Variants in AK7 observed in about 807,000 individuals in gnomAD.
AK7 encodes the protein adenylate kinase 7.
In AK7, 78 loss-of-function variants were observed where a neutral mutation model predicts 96.6. That is an observed-to-expected ratio of 0.81 (90% CI 0.67 to 0.97). The LOEUF is 0.97. Ranked by LOEUF, AK7 falls within the 50% of genes least tolerant of loss-of-function variation. The pLI is 0.00. For synonymous variants in AK7, 302 were observed against 317.2 expected, an observed-to-expected ratio of 0.95 and a Z score of 0.51; for missense variants, 855 against 887.9, an observed-to-expected ratio of 0.96 and a Z score of 0.47.
At chr14:96,481,843 T>C (rs1267225465) in intron 15 of AK7, among the ~76,000 whole-genome samples, 2 of 151,610 alleles carry the variant, frequency 1.3e-5, no homozygotes, top group African/African-American at 2.4e-5. Flanking sequence ...TAGCTGGAAC[T>C]ACAGGTGTGC....
chr14:96,416,987 A>G (rs1224243162), intron 4 of AK7, among the ~76,000 whole-genome samples: 4 of 152,208 alleles, frequency 2.6e-5, no homozygotes, highest in East Asian at 1.9e-4. Context: ...CATCCAACCT[A>G]TGGTTCTCTT....
intron 5 of AK7, among the ~76,000 whole-genome samples, chr14:96,424,364 G>C (rs1891901741): frequency 6.6e-6 from 1 of 152,220 alleles, no homozygotes; most frequent in South Asian, 2.1e-4. Flanking sequence ...TATGTCATCT[G>C]TGTTTTACTC....
At chr14:96,453,281 C>T (rs776849029) in intron 10 of AK7, among the ~76,000 whole-genome samples, 19 of 152,164 alleles carry the variant, frequency 1.2e-4, no homozygotes, top group Non-Finnish European at 2.2e-4. Context: ...TCTAGGTCAA[C>T]TGTAACAACA....
intron 10 of AK7, among the ~76,000 whole-genome samples, chr14:96,454,663 A>AT (rs34594630): frequency 0.015 from 2,208 of 144,550 alleles, 61 homozygotes; most frequent in African/African-American, 0.05. Context: ...TTTAAAAAAA[A>AT]TTTTTTTTTT....
At chr14:96,432,694 G>T (rs905789541) in intron 5 of AK7, among the ~76,000 whole-genome samples, 1 of 152,084 alleles carries the variant, frequency 6.6e-6, no homozygotes, top group East Asian at 1.9e-4. Context: ...TTTTCTTTAA[G>T]AATGTTGAGG....
intron 4 of AK7, among the ~76,000 whole-genome samples, chr14:96,410,108 A>G (rs1890951060): frequency 6.6e-6 from 1 of 152,210 alleles, no homozygotes; most frequent in South Asian, 2.1e-4. Context: ...GGGATTCATC[A>G]CACTTATTGC....
chr14:96,439,732 A>G (rs1222573766), intron 6 of AK7, among the ~76,000 whole-genome samples: 1 of 152,088 alleles, frequency 6.6e-6, no homozygotes, highest in East Asian at 1.9e-4. Context: ...CAGATAATCA[A>G]CTAAGATGAA....
intron 10 of AK7, among the ~76,000 whole-genome samples, chr14:96,453,170 T>C (rs1042596936): frequency 2.6e-5 from 4 of 152,038 alleles, no homozygotes; most frequent in Non-Finnish European, 5.9e-5. Flanking sequence ...GCAAAAGAAA[T>C]AATGATCTCT....
chr14:96,479,025 C>T (rs1264890912), intron 15 of AK7, among the ~76,000 whole-genome samples: 1 of 151,910 alleles, frequency 6.6e-6, no homozygotes, highest in Non-Finnish European at 1.5e-5. Flanking sequence ...TCTCCTGCCT[C>T]AGCCTCCCAA....
intron 5 of AK7, among the ~76,000 whole-genome samples, chr14:96,431,174 G>A (rs77377573): frequency 1.1e-4 from 16 of 151,908 alleles, no homozygotes; most frequent in South Asian, 4.2e-4. Context: ...TCTTGCTAGC[G>A]GTCTATCTCT....
At chr14:96,425,937 C>CAAT (rs1892004293) in intron 5 of AK7, among the ~76,000 whole-genome samples, 1 of 152,048 alleles carries the variant, frequency 6.6e-6, no homozygotes, top group Non-Finnish European at 1.5e-5. Flanking sequence ...GGCAACAGAT[C>CAAT]AATGTGTCTT....
intron 11 of AK7, chr14:96,456,923 G>A (rs182866054): frequency 2.8e-4 from 57 of 201,136 alleles, no homozygotes; most frequent in African/African-American, 1.2e-3. Flanking sequence ...GGTGGATGAC[G>A]TGTGGATCTT....
chr14:96,413,559 C>T (rs1379305790), intron 4 of AK7, among the ~76,000 whole-genome samples: 4 of 152,184 alleles, frequency 2.6e-5, no homozygotes, highest in East Asian at 1.9e-4. Context: ...CCACTCAACA[C>T]GTTTGGATTT....
chr14:96,417,916 A>G (rs1891436989), intron 4 of AK7, among the ~76,000 whole-genome samples: 1 of 152,216 alleles, frequency 6.6e-6, no homozygotes, highest in Non-Finnish European at 1.5e-5. Context: ...AAAGAAATAC[A>G]TGTATTGGAA....
intron 5 of AK7, among the ~76,000 whole-genome samples, chr14:96,431,112 T>C (rs377672759): frequency 5.2e-4 from 79 of 152,316 alleles, no homozygotes; most frequent in African/African-American, 1.8e-3. Flanking sequence ...AATATCCCCT[T>C]TGTCATTTTT....
intron 3 of AK7, among the ~76,000 whole-genome samples, chr14:96,406,291 A>C (rs1295855101): frequency 6.6e-6 from 1 of 152,122 alleles, no homozygotes; most frequent in Non-Finnish European, 1.5e-5. Flanking sequence ...TTAACCACTG[A>C]CTTCCTGCTG....
intron 14 of AK7, among the ~76,000 whole-genome samples, chr14:96,473,182 T>C (rs1894992604): frequency 6.6e-6 from 1 of 151,110 alleles, no homozygotes; most frequent in African/African-American, 2.4e-5. Context: ...ATTTTTTTTT[T>C]TTTTTTGAGA....
At chr14:96,442,857 G>T (rs1286644782) in intron 7 of AK7, 39 bp downstream of exon 7, 4 of 1,562,142 alleles carry the variant, frequency 2.6e-6, no homozygotes, top group Non-Finnish European at 3.5e-6. Flanking sequence ...CACAGAATTG[G>T]TTAATGTGTT....
intron 1 of AK7, among the ~76,000 whole-genome samples, chr14:96,396,463 G>A (rs1175566390): frequency 6.6e-6 from 1 of 152,158 alleles, no homozygotes; most frequent in South Asian, 2.1e-4. Flanking sequence ...TAATAAAATT[G>A]AATATGTATG....
Sources: allele counts gnomAD v4.1 joint callset (sites outside exome capture counted in the v4.1 genomes callset), GRCh38; gene constraint gnomAD v4.1.1; transcripts MANE v1.5; gene names NCBI Gene and HGNC (gene_info 2026-07-23, HGNC 2026-07-21).